The following GABBR2 variants were observed in gnomAD, a reference collection of about 807,000 sequenced individuals.
GABBR2 encodes the protein gamma-aminobutyric acid type B receptor subunit 2.
GABBR2 carries 23 observed loss-of-function variants against 105.6 expected under a neutral mutation model. That is an observed-to-expected ratio of 0.22 (90% CI 0.16 to 0.31). The LOEUF is 0.31. GABBR2 is among the 10% of genes least tolerant of loss of function. GABBR2 has a pLI of 1.00. For missense variants in GABBR2, 734 were observed against 1,245.5 expected, an observed-to-expected ratio of 0.59 and a Z score of 6.18; for synonymous variants, 478 against 499.7, an observed-to-expected ratio of 0.96 and a Z score of 0.58.
chr9:98,518,993 A>G lies in GABBR2; in HGVS notation c.631-22479T>C, dbSNP rs139113444. 7.9e-5 allele frequency among the ~76,000 whole-genome samples: 12 copies of G among 152,308 alleles called. No individual in the cohort carries two copies. The East Asian group carries it at 2.1e-3, about 27-fold the overall frequency. On this transcript the variant is annotated intron_variant, in intron 3 of 18. Transcript: ENST00000259455. Reference sequence around the variant, plus strand: ...CTAAACTAAGCAGATTTTATAATGTATCTTCTTACGAGCAGTACTCAGAGA... The same window carrying G: ...CTAAACTAAGCAGATTTTATAATGTGTCTTCTTACGAGCAGTACTCAGAGA...
chr9:98,322,416 C>T (rs1475857426), intron 13 of GABBR2, among the ~76,000 whole-genome samples: 2 of 152,078 alleles, frequency 1.3e-5, no homozygotes, highest in South Asian at 2.1e-4. Flanking sequence ...TCCCTCCTGC[C>T]CCAGGCTCTT....
chr9:98,510,632 T>C (rs1241878696), intron 3 of GABBR2, among the ~76,000 whole-genome samples: 2 of 151,204 alleles, frequency 1.3e-5, no homozygotes, highest in African/African-American at 4.8e-5. Context: ...TAGTCTCTGA[T>C]AAAACAGACT....
intron 6 of GABBR2, among the ~76,000 whole-genome samples, chr9:98,465,477 G>A (rs1364942625): frequency 6.6e-6 from 1 of 152,218 alleles, no homozygotes; most frequent in Non-Finnish European, 1.5e-5. Flanking sequence ...TAGCCTTTGA[G>A]TGGGTTCTAT....
intron 1 of GABBR2, among the ~76,000 whole-genome samples, chr9:98,673,783 A>G (rs1830436607): frequency 6.6e-6 from 1 of 152,134 alleles, no homozygotes; most frequent in African/African-American, 2.4e-5. Context: ...TGCCACTATC[A>G]CTGTGGTTTT....
chr9:98,694,968 A>C (rs1830730335), intron 1 of GABBR2, among the ~76,000 whole-genome samples: 1 of 152,216 alleles, frequency 6.6e-6, no homozygotes. Flanking sequence ...GGAGCCTAAA[A>C]GGAAATGTGT....
chr9:98,341,308 T>C (rs1831209864), intron 13 of GABBR2, among the ~76,000 whole-genome samples: 1 of 152,238 alleles, frequency 6.6e-6, no homozygotes, highest in African/African-American at 2.4e-5. Context: ...CCAGGATCCA[T>C]GCCAGAAGGC....
chr9:98,407,995 G>C (rs1832519783), intron 7 of GABBR2, among the ~76,000 whole-genome samples: 1 of 152,218 alleles, frequency 6.6e-6, no homozygotes, highest in Non-Finnish European at 1.5e-5. Flanking sequence ...ACTGGGTTCA[G>C]TCCTCTCTCA....
At chr9:98,438,500 A>T (rs28735883) in intron 7 of GABBR2, among the ~76,000 whole-genome samples, 7,924 of 152,296 alleles carry the variant, frequency 0.052, 361 homozygotes, top group East Asian at 0.19. Flanking sequence ...TGTGCTAGAA[A>T]CTGAAAACAG....
At chr9:98,539,913 T>TAAAAAAAAAAA (rs746934812) in intron 3 of GABBR2, among the ~76,000 whole-genome samples, 2 of 103,698 alleles carry the variant, frequency 1.9e-5, no homozygotes, top group Admixed American at 1.0e-4. Context: ...AGACTTCGTC[T>TAAAAAAAAAAA]AAAAAAAAAA....
intron 7 of GABBR2, among the ~76,000 whole-genome samples, chr9:98,446,825 A>T (rs1826137602): frequency 6.6e-6 from 1 of 152,154 alleles, no homozygotes; most frequent in South Asian, 2.1e-4. Context: ...CCCAGTTGTT[A>T]TACCACATTT....
intron 2 of GABBR2, among the ~76,000 whole-genome samples, chr9:98,575,689 C>A (rs375610903): frequency 2.0e-5 from 3 of 152,296 alleles, no homozygotes; most frequent in African/African-American, 7.2e-5. Context: ...GTCCTGGGCA[C>A]CCTGAGGGCA....
At chr9:98,499,424 C>T (rs915403069) in intron 3 of GABBR2, among the ~76,000 whole-genome samples, 3 of 152,122 alleles carry the variant, frequency 2.0e-5, no homozygotes, top group Non-Finnish European at 4.4e-5. Context: ...TTCGGAGGCC[C>T]GATGAACCAG....
intron 7 of GABBR2, among the ~76,000 whole-genome samples, chr9:98,408,819 G>C (rs530432970): frequency 1.3e-5 from 2 of 152,078 alleles, no homozygotes; most frequent in Non-Finnish European, 2.9e-5. Flanking sequence ...ACAGGGTCTC[G>C]CTCTGTTATC....
chr9:98,553,322 G>A lies in GABBR2; in HGVS notation c.460-11279C>T, dbSNP rs185722668. ...AGTAAGAGGCAAAGCAGCCAGGTGC[G>A]GTGGCTAACACCTGTAATCCCAGCA... On this transcript the variant is annotated intron_variant, in intron 2 of 18. Coordinates refer to ENST00000259455, the MANE Select transcript of GABBR2 (RefSeq NM_005458.8). Among the ~76,000 whole-genome samples, 44 of 152,104 alleles carry A rather than the reference G, an allele frequency of 2.9e-4. No homozygotes were observed. The East Asian group carries it at 7.6e-3, about 26-fold the overall frequency.
intron 2 of GABBR2, among the ~76,000 whole-genome samples, chr9:98,547,209 G>A (rs1373823638): frequency 2.6e-5 from 3 of 114,540 alleles, no homozygotes; most frequent in African/African-American, 5.5e-5. Context: ...CCCTATACAC[G>A]ACCTGTATAC....
At chr9:98,479,739 G>T (rs1826872489) in intron 5 of GABBR2, among the ~76,000 whole-genome samples, 1 of 152,224 alleles carries the variant, frequency 6.6e-6, no homozygotes, top group African/African-American at 2.4e-5. Context: ...GGACTACCCT[G>T]CCCTGGGTGT....
chr9:98,662,223 G>C (rs931216582), intron 1 of GABBR2, among the ~76,000 whole-genome samples: 1 of 152,176 alleles, frequency 6.6e-6, no homozygotes, highest in Non-Finnish European at 1.5e-5. Flanking sequence ...ACTGTTGGTG[G>C]TCGGTGGGAC....
intron 1 of GABBR2, among the ~76,000 whole-genome samples, chr9:98,595,502 G>T (rs1829221958): frequency 6.6e-6 from 1 of 151,348 alleles, no homozygotes; most frequent in African/African-American, 2.4e-5. Flanking sequence ...TCCTGCAGGG[G>T]CGGGGTGCTT....
intron 14 of GABBR2, among the ~76,000 whole-genome samples, chr9:98,307,064 T>A (rs1401177656): frequency 6.6e-6 from 1 of 152,208 alleles, no homozygotes; most frequent in Non-Finnish European, 1.5e-5. Flanking sequence ...GGAACCTGTG[T>A]AATGATGATG....
Sources: gnomAD v4.1 joint callset for allele counts (sites outside exome capture counted in the v4.1 genomes callset) on GRCh38, gnomAD v4.1.1 for gene constraint, MANE v1.5 for transcripts, NCBI Gene and HGNC (gene_info 2026-07-23, HGNC 2026-07-21) for gene names.